Variants in PARD3B observed in about 807,000 individuals in gnomAD.
PARD3B encodes the protein par-3 family cell polarity regulator beta, also known as partitioning defective 3 homolog B.
In PARD3B, 103 loss-of-function variants were observed where a neutral mutation model predicts 130.2. That is an observed-to-expected ratio of 0.79 (90% CI 0.67 to 0.93). The LOEUF (loss-of-function observed/expected upper bound fraction) is 0.93, where lower values mean the gene tolerates loss of function less well. PARD3B is among the 40% of genes least tolerant of loss of function. The pLI, the probability that PARD3B is intolerant of heterozygous loss-of-function variation, is 0.00. For missense variants in PARD3B, 1,609 were observed against 1,499.2 expected (o/e 1.07, Z -1.21); for synonymous variants, 583 against 553.2 (o/e 1.05, Z -0.76).
Position 205,244,383 on chromosome 2 carries a change from CT to C in PARD3B, c.2141-1391del, listed in dbSNP as rs1443329946. Among the ~76,000 whole-genome samples the C allele has an allele frequency of 6.6e-6, 1 of 152,116 alleles. No homozygotes were observed. Among genetic ancestry groups the C allele is most frequent in the Non-Finnish European group, 1.5e-5 (1 of 68,030 alleles). On this transcript the variant is annotated intron_variant, in intron 15 of 22. Transcript: ENST00000406610. The surrounding 1 kb of genome is among the most constrained non-coding windows in gnomAD (Gnocchi z 4.7). The stretch of plus-strand genomic sequence containing the variant: ...GACAGTGGCACATGGTAATAAACAG[CT>C]TTTGTTGAATATTAAAGTGATGATC...
intron 21 of PARD3B, among the ~76,000 whole-genome samples, chr2:205,552,118 A>C (rs969248305): frequency 2.6e-5 from 4 of 152,214 alleles, no homozygotes; most frequent in Non-Finnish European, 5.9e-5. Context: ...ACCAACACAC[A>C]GTATTGAAAA....
At chr2:205,547,679 A>G (rs2052435772) in intron 21 of PARD3B, among the ~76,000 whole-genome samples, 1 of 152,088 alleles carries the variant, frequency 6.6e-6, no homozygotes, top group Non-Finnish European at 1.5e-5. Flanking sequence ...CAATTCTAAG[A>G]CCAACTATAA....
At chr2:204,658,393 A>C (rs1386610958) in intron 1 of PARD3B, among the ~76,000 whole-genome samples, 1 of 152,292 alleles carries the variant, frequency 6.6e-6, no homozygotes, top group East Asian at 1.9e-4. Context: ...AAAATACAAA[A>C]GGATTATTAA....
chr2:204,601,895 A>G (rs144647179), intron 1 of PARD3B, among the ~76,000 whole-genome samples: 73 of 152,178 alleles, frequency 4.8e-4, no homozygotes, highest in South Asian at 2.5e-3. Flanking sequence ...TTTAATTACA[A>G]TGAAGTTGAT....
intron 19 of PARD3B, among the ~76,000 whole-genome samples, chr2:205,424,739 G>A (rs2047085065): frequency 6.6e-6 from 1 of 152,166 alleles, no homozygotes; most frequent in Non-Finnish European, 1.5e-5. Flanking sequence ...ACATTCAACA[G>A]AAGGGGTTGA....
rs144735091 is a variant in PARD3B at position 204,610,650 on chromosome 2, G to T, written c.120+64531G>T. Among the ~76,000 whole-genome samples, 767 of 152,188 alleles carry T rather than the reference G, an allele frequency of 5.0e-3. No individual in the cohort carries two copies. Among genetic ancestry groups the T allele is most frequent in the Non-Finnish European group, 8.3e-3 (566 of 68,014 alleles). On this transcript the variant is annotated intron_variant, in intron 1 of 22. Transcript: ENST00000406610. This position sits in a 1 kb window ranked among gnomAD's most constrained non-coding sequence, Gnocchi z 4.1. Reference sequence around the variant, plus strand: ...GCTGGGATTACAGGCAGGAGCCACCGTGCCTGCCCCTTGTCCTTCATAGAA... The same window carrying T: ...GCTGGGATTACAGGCAGGAGCCACCTTGCCTGCCCCTTGTCCTTCATAGAA...
At chr2:205,148,395 C>A (rs2033518087) in intron 10 of PARD3B, among the ~76,000 whole-genome samples, 1 of 152,066 alleles carries the variant, frequency 6.6e-6, no homozygotes, top group Non-Finnish European at 1.5e-5. Flanking sequence ...AATAAAATGC[C>A]TCCCTGCTGT....
chr2:205,240,527 G>T (rs1574480608), intron 15 of PARD3B, among the ~76,000 whole-genome samples: 1 of 152,106 alleles, frequency 6.6e-6, no homozygotes, highest in African/African-American at 2.4e-5. Context: ...ATCTCAATAT[G>T]AATAGTGAGA....
intron 3 of PARD3B, among the ~76,000 whole-genome samples, chr2:205,000,323 T>A (rs1694728869): frequency 6.6e-6 from 1 of 152,200 alleles, no homozygotes; most frequent in South Asian, 2.1e-4. Context: ...GTGAGCCTGC[T>A]CAGGTGTCAC....
At chr2:204,889,890 C>T (rs560629379) in intron 2 of PARD3B, among the ~76,000 whole-genome samples, 12 of 152,300 alleles carry the variant, frequency 7.9e-5, no homozygotes, top group African/African-American at 2.9e-4. Flanking sequence ...CGTGAAATAA[C>T]AAACTGGTTT....
chr2:204,997,127 A>C (rs1559339537), intron 3 of PARD3B, among the ~76,000 whole-genome samples: 1 of 152,066 alleles, frequency 6.6e-6, no homozygotes, highest in Non-Finnish European at 1.5e-5. Context: ...TCATTCTTTC[A>C]ATTCTTGTAA....
At chr2:204,957,908 G>A (rs905486016) in intron 2 of PARD3B, among the ~76,000 whole-genome samples, 1 of 151,960 alleles carries the variant, frequency 6.6e-6, no homozygotes, top group South Asian at 2.1e-4. Context: ...TAGGATACTG[G>A]GTTTTTTTTT....
At chr2:204,970,159 T>C (rs1691576217) in intron 3 of PARD3B, among the ~76,000 whole-genome samples, 1 of 152,194 alleles carries the variant, frequency 6.6e-6, no homozygotes, top group African/African-American at 2.4e-5. Context: ...ACTGCCTTCA[T>C]GATTAGTACC....
intron 16 of PARD3B, among the ~76,000 whole-genome samples, chr2:205,257,758 G>T (rs1359206388): frequency 1.3e-5 from 2 of 152,116 alleles, no homozygotes; most frequent in African/African-American, 4.8e-5. Flanking sequence ...TTATAAAATG[G>T]TAACACTAAT....
chr2:205,194,795 T>G (rs1353444472), intron 15 of PARD3B, among the ~76,000 whole-genome samples: 4 of 151,920 alleles, frequency 2.6e-5, no homozygotes, highest in Non-Finnish European at 5.9e-5. Flanking sequence ...ATTATTATTT[T>G]TATTTTGAGA....
At chr2:205,104,753 G>A (rs889284938) in intron 5 of PARD3B, among the ~76,000 whole-genome samples, 6 of 152,018 alleles carry the variant, frequency 3.9e-5, no homozygotes, top group Non-Finnish European at 7.4e-5. Flanking sequence ...TCTGTACCCA[G>A]GATTTCTGAA....
At chr2:205,329,802 C>A (rs1266396016) in intron 18 of PARD3B, among the ~76,000 whole-genome samples, 1 of 151,904 alleles carries the variant, frequency 6.6e-6, no homozygotes, top group African/African-American at 2.4e-5. Context: ...ACCAGCCTGA[C>A]CAATGTGGCA....
At chr2:205,097,587 T>C (rs926201246) in intron 4 of PARD3B, among the ~76,000 whole-genome samples, 4 of 152,172 alleles carry the variant, frequency 2.6e-5, no homozygotes, top group African/African-American at 9.6e-5. Flanking sequence ...CAGAAACTTG[T>C]AGAAGCTCGG....
chr2:204,864,260 AT>A (rs1381584231), intron 2 of PARD3B, among the ~76,000 whole-genome samples: 1 of 152,026 alleles, frequency 6.6e-6, no homozygotes, highest in East Asian at 1.9e-4. Flanking sequence ...AATGGGACCC[AT>A]TTTTTTCCAT....
Sources: gnomAD v4.1 joint callset for allele counts (sites outside exome capture counted in the v4.1 genomes callset) on GRCh38, gnomAD v4.1.1 for gene constraint, Gnocchi (gnomAD v3.1) non-coding constraint, MANE v1.5 for transcripts, NCBI Gene and HGNC (gene_info 2026-07-23, HGNC 2026-07-21) for gene names.